The following EPHA7 variants were observed in gnomAD, a reference collection of about 807,000 sequenced individuals.
The protein encoded by EPHA7 is ephrin type-A receptor 7.
EPHA7 carries 25 observed loss-of-function variants against 112.6 expected under a neutral mutation model. The observed-to-expected ratio is 0.22, with a 90% CI of 0.16 to 0.31. EPHA7 has a LOEUF of 0.31. EPHA7 is among the 10% of genes least tolerant of loss of function. EPHA7 has a pLI of 1.00. For synonymous variants in EPHA7, 437 were observed against 406.5 expected (o/e 1.07, Z -0.90); for missense variants, 962 against 1,212.6 (o/e 0.79, Z 3.07).
At chr6:93,300,567 G>A (rs1772927925) in intron 5 of EPHA7, among the ~76,000 whole-genome samples, 1 of 151,954 alleles carries the variant, frequency 6.6e-6, no homozygotes, top group African/African-American at 2.4e-5. Context: ...AACAGTCCTC[G>A]ATGTTTAGTC....
In EPHA7 at chr6:93,282,818, C is replaced by A. The variant is rs111489024; in HGVS notation, c.1325-10396G>T. Among the ~76,000 whole-genome samples the A allele has an allele frequency of 1.3e-4, 20 of 152,290 alleles. No individual in the cohort carries two copies. The South Asian group carries it at 3.9e-3, about 30-fold the overall frequency. ...CAGCTGCTGTGGTCGATTTCTCCCC[C>A]GGCCTTAGCTGCCTCCCTGCAGGGC... On this transcript the variant is annotated intron_variant, in intron 5 of 16. Transcript: ENST00000369303.
intron 5 of EPHA7, among the ~76,000 whole-genome samples, chr6:93,320,170 C>T (rs1162824250): frequency 1.3e-5 from 2 of 151,986 alleles, no homozygotes; most frequent in East Asian, 3.9e-4. Context: ...AGCTAACCTC[C>T]TTGTGAAACT....
chr6:93,418,530 C>T (rs1779358191), intron 1 of EPHA7, among the ~76,000 whole-genome samples: 1 of 152,232 alleles, frequency 6.6e-6, no homozygotes, highest in Non-Finnish European at 1.5e-5. Flanking sequence ...CCCGACCAAG[C>T]CCGCTGGGCT....
chr6:93,369,991 A>G (rs1168067361), intron 3 of EPHA7, among the ~76,000 whole-genome samples: 3 of 152,172 alleles, frequency 2.0e-5, no homozygotes, highest in Non-Finnish European at 4.4e-5. Flanking sequence ...ACTGGCTTTC[A>G]GTCTTTAAGT....
At chr6:93,350,076 C>A (rs762469029) in intron 5 of EPHA7, among the ~76,000 whole-genome samples, 3 of 151,878 alleles carry the variant, frequency 2.0e-5, no homozygotes, top group Non-Finnish European at 4.4e-5. Context: ...GAAATTAGAT[C>A]TGGGCATTGA....
At chr6:93,375,639 A>C (rs1232160678) in intron 3 of EPHA7, among the ~76,000 whole-genome samples, 1 of 151,882 alleles carries the variant, frequency 6.6e-6, no homozygotes, top group African/African-American at 2.4e-5. Context: ...ATTAAAAAAA[A>C]AAAACAAACT....
At chr6:93,251,554 C>T (rs1018552080) in intron 14 of EPHA7, among the ~76,000 whole-genome samples, 1 of 150,618 alleles carries the variant, frequency 6.6e-6, no homozygotes, top group Admixed American at 6.6e-5. Flanking sequence ...TCTTTTTATG[C>T]TAGTAGTATT....
chr6:93,317,053 A>AT (rs759266437), intron 5 of EPHA7, among the ~76,000 whole-genome samples: 1 of 152,168 alleles, frequency 6.6e-6, no homozygotes, highest in Non-Finnish European at 1.5e-5. Flanking sequence ...AACATATAAT[A>AT]ACATGCTCAA....
At chr6:93,393,962 T>A (rs1397376277) in intron 3 of EPHA7, among the ~76,000 whole-genome samples, 1 of 151,820 alleles carries the variant, frequency 6.6e-6, no homozygotes, top group Non-Finnish European at 1.5e-5. Flanking sequence ...CGAGTAGAGT[T>A]AAACTAGACT....
At chr6:93,338,027 A>G (rs1383797781) in intron 5 of EPHA7, among the ~76,000 whole-genome samples, 2 of 152,036 alleles carry the variant, frequency 1.3e-5, no homozygotes, top group Non-Finnish European at 2.9e-5. Context: ...GGAGAGAACA[A>G]AAGGGAGATA....
chr6:93,404,679 A>G lies in EPHA7; in HGVS notation c.832+5822T>C, dbSNP rs549213965. Among the ~76,000 whole-genome samples, 10 of 151,152 alleles carry G rather than the reference A, an allele frequency of 6.6e-5. No homozygotes were observed. In the East Asian group the frequency reaches 2.0e-3, roughly 30 times the overall value. On this transcript the variant is annotated intron_variant, in intron 3 of 16. Coordinates refer to ENST00000369303, the MANE Select transcript of EPHA7 (RefSeq NM_004440.4). ...GAGGGAGAGAGAGAGAGAGACATAT[A>G]CTTCTCACGGTAAGAGTATTTTTTC... is the stretch of plus-strand genomic sequence containing the variant.
intron 3 of EPHA7, among the ~76,000 whole-genome samples, chr6:93,389,237 G>A (rs1777783411): frequency 6.6e-6 from 1 of 151,992 alleles, no homozygotes; most frequent in South Asian, 2.1e-4. Context: ...TGCTTTACAA[G>A]CATCATCTCA....
intron 4 of EPHA7, among the ~76,000 whole-genome samples, chr6:93,357,609 C>A (rs969735444): frequency 6.6e-6 from 1 of 151,652 alleles, no homozygotes; most frequent in Non-Finnish European, 1.5e-5. Context: ...AATTCAGAAA[C>A]CATTACTTTT....
intron 7 of EPHA7, among the ~76,000 whole-genome samples, chr6:93,267,536 C>G (rs757466687): frequency 4.6e-5 from 7 of 151,662 alleles, no homozygotes; most frequent in Non-Finnish European, 1.0e-4. Context: ...TGCCTGAAAC[C>G]ATAGTAGGCA....
intron 5 of EPHA7, among the ~76,000 whole-genome samples, chr6:93,288,014 A>G (rs768373165): frequency 4.6e-5 from 7 of 152,292 alleles, no homozygotes; most frequent in African/African-American, 7.2e-5. Flanking sequence ...CCACTATGTA[A>G]AAGCAGTTTT....
intron 3 of EPHA7, among the ~76,000 whole-genome samples, chr6:93,370,691 TGTC>T (rs1159111626): frequency 6.6e-6 from 1 of 152,210 alleles, no homozygotes; most frequent in Non-Finnish European, 1.5e-5. Context: ...ACATTTCATA[TGTC>T]TCTAAGACAT....
intron 16 of EPHA7, 48 bp downstream of exon 16, chr6:93,245,250 A>T: frequency 6.5e-7 from 1 of 1,538,984 alleles, no homozygotes; most frequent in Non-Finnish European, 8.9e-7. Context: ...TAAAGTGTAG[A>T]TTGTACCTAA....
At chr6:93,404,275 A>G (rs1778580177) in intron 3 of EPHA7, among the ~76,000 whole-genome samples, 1 of 152,086 alleles carries the variant, frequency 6.6e-6, no homozygotes, top group Non-Finnish European at 1.5e-5. Context: ...TTAGGATGTT[A>G]GGAAAGGTAG....
At chr6:93,347,665 G>T (rs941532513) in intron 5 of EPHA7, among the ~76,000 whole-genome samples, 9 of 151,874 alleles carry the variant, frequency 5.9e-5, no homozygotes, top group Non-Finnish European at 1.2e-4. Flanking sequence ...CTGAGGGCTA[G>T]AAGTCCCAAG....
Sources: allele counts gnomAD v4.1 joint callset (sites outside exome capture counted in the v4.1 genomes callset), GRCh38; gene constraint gnomAD v4.1.1; transcripts MANE v1.5; gene names NCBI Gene and HGNC (gene_info 2026-07-23, HGNC 2026-07-21).